ADGRV1: variants seen among roughly 807,000 people sequenced by gnomAD.
ADGRV1 encodes G-protein coupled receptor 98.
Under a neutral mutation model 596.2 loss-of-function variants are expected in ADGRV1, and 359 were observed. The observed-to-expected ratio is 0.60, with a 90% CI of 0.55 to 0.66. ADGRV1 has a LOEUF of 0.66. Among genes scored for constraint, ADGRV1 ranks in the 30% least tolerant of loss-of-function variants. The pLI is 0.00. For synonymous variants in ADGRV1, 2,681 were observed against 2,679.2 expected, an observed-to-expected ratio of 1.00 and a Z score of -0.02; for missense variants, 7,274 against 7,575.6, an observed-to-expected ratio of 0.96 and a Z score of 1.48.
intron 85 of ADGRV1, among the ~76,000 whole-genome samples, chr5:91,028,029 TTTTC>T (rs146284585): frequency 0.22 from 33,433 of 149,198 alleles, 3,851 homozygotes; most frequent in Non-Finnish European, 0.28. Flanking sequence ...CCAGCTTTTT[TTTTC>T]TTTCTTTTTT....
In ADGRV1 at chr5:90,743,767, G is replaced by A. The variant is rs137883240; in HGVS notation, c.10550-1279G>A. Among the ~76,000 whole-genome samples, 1,056 of 151,408 alleles carry A rather than the reference G, an allele frequency of 7.0e-3. 7 individuals are homozygous for A. The highest frequency in any genetic ancestry group is 0.024 in the African/African-American group (976 of 41,254). On this transcript the variant is annotated intron_variant, in intron 50 of 89. Coordinates refer to ENST00000405460, the MANE Select transcript of ADGRV1 (RefSeq NM_032119.4). ...ATTACAGGCATGAGCCACCGTGCCCGGCCTCATTTGATATATTTATGTTCC... is the reference window on the plus strand; with the variant it reads ...ATTACAGGCATGAGCCACCGTGCCCAGCCTCATTTGATATATTTATGTTCC...
Position 90,755,115 on chromosome 5 carries a change from T to C in ADGRV1, c.11510T>C (p.Val3837Ala). The change falls in exon 55 of 90, where the codon GTA (valine) becomes GCA (alanine). Residue 3837 changes from valine to alanine, a missense_variant. By Grantham distance (64) the Val-to-Ala change is moderately conservative. Around this residue, in one of 5 missense-constraint regions of ADGRV1, gnomAD observed 3,643 missense variants for 3,809.2 expected, o/e 0.96. Coordinates refer to ENST00000405460, the MANE Select transcript of ADGRV1 (RefSeq NM_032119.4). ...DNQATENEDY[V>A]LQETIIIMKE... ...CAAGCTACTGAGAATGAAGATTATG[T>C]ATTGCAAGAAACAATAATAATAATG... is the stretch of plus-strand genomic sequence containing the variant. The C allele has an allele frequency of 6.2e-7, 1 of 1,611,444 alleles. No individual in the cohort carries two copies. Among genetic ancestry groups the C allele is most frequent in the East Asian group, 2.2e-5 (1 of 44,842 alleles).
chr5:90,778,314 T>G, intron 62 of ADGRV1, 113 bp from the exon 63 acceptor site: 2 of 932,406 alleles, frequency 2.1e-6, no homozygotes, highest in Admixed American at 4.4e-5. Context: ...GGATTAAGAG[T>G]GGGAATGAGG....
chr5:90,726,566 T>C (rs960456878), intron 48 of ADGRV1, among the ~76,000 whole-genome samples: 6 of 152,178 alleles, frequency 3.9e-5, no homozygotes, highest in African/African-American at 1.4e-4. Flanking sequence ...CACCAGCATG[T>C]GACAGTCACC....
intron 86 of ADGRV1, among the ~76,000 whole-genome samples, chr5:91,096,537 A>C (rs1047251619): frequency 6.6e-6 from 1 of 152,096 alleles, no homozygotes; most frequent in Non-Finnish European, 1.5e-5. Flanking sequence ...AATTTCTTTC[A>C]CTAAAACCTT....
chr5:90,777,417 G>C (rs1453555553), intron 61 of ADGRV1, among the ~76,000 whole-genome samples: 2 of 152,124 alleles, frequency 1.3e-5, no homozygotes, highest in Non-Finnish European at 2.9e-5. Context: ...AGGCAAGTTT[G>C]TTTCTGGTAA....
chr5:90,741,498 T>C (rs1351052408), intron 50 of ADGRV1, among the ~76,000 whole-genome samples: 2 of 152,242 alleles, frequency 1.3e-5, no homozygotes, highest in Non-Finnish European at 2.9e-5. Flanking sequence ...ATTCCTCAAG[T>C]ATTCAAGTGG....
At chr5:90,667,689 GC>G (rs1489310367) in intron 21 of ADGRV1, among the ~76,000 whole-genome samples, 1 of 152,002 alleles carries the variant, frequency 6.6e-6, no homozygotes. Context: ...GAGGCGCTCT[GC>G]TTTTTAGAGT....
intron 83 of ADGRV1, among the ~76,000 whole-genome samples, chr5:90,947,044 T>C (rs1244587914): frequency 2.0e-5 from 3 of 152,332 alleles, no homozygotes; most frequent in Admixed American, 2.0e-4. Context: ...CACCACACTG[T>C]CTTCCACAAT....
At chr5:91,159,859 A>T (rs1796799620) in intron 89 of ADGRV1, among the ~76,000 whole-genome samples, 1 of 152,230 alleles carries the variant, frequency 6.6e-6, no homozygotes, top group Non-Finnish European at 1.5e-5. Flanking sequence ...TGAGGGTAGG[A>T]TGGAAAGGAA....
intron 83 of ADGRV1, among the ~76,000 whole-genome samples, chr5:90,895,290 G>C (rs1771203766): frequency 6.6e-6 from 1 of 152,148 alleles, no homozygotes; most frequent in South Asian, 2.1e-4. Context: ...ACAGAATGAA[G>C]GGGTACATAA....
intron 82 of ADGRV1, among the ~76,000 whole-genome samples, chr5:90,861,575 C>T (rs1767581897): frequency 6.6e-6 from 1 of 152,236 alleles, no homozygotes; most frequent in East Asian, 1.9e-4. Flanking sequence ...TCCCAAAGTG[C>T]TGGGATTACA....
At chr5:90,875,026 A>G (rs1313922791) in intron 83 of ADGRV1, among the ~76,000 whole-genome samples, 1 of 152,156 alleles carries the variant, frequency 6.6e-6, no homozygotes, top group Non-Finnish European at 1.5e-5. Context: ...AAAGCAAAAC[A>G]AAACCAGAAC....
chr5:90,876,059 A>G (rs1769189527), intron 83 of ADGRV1, among the ~76,000 whole-genome samples: 1 of 152,168 alleles, frequency 6.6e-6, no homozygotes, highest in African/African-American at 2.4e-5. Flanking sequence ...TGTCATGTTT[A>G]GGTCATGTTT....
At chr5:90,685,687 G>A in intron 28 of ADGRV1, 93 bp from the exon 29 acceptor site, 1 of 639,412 alleles carries the variant, frequency 1.6e-6, no homozygotes, top group Non-Finnish European at 2.6e-6. Flanking sequence ...CTATTTGGCT[G>A]ATGGAATCTT....
chr5:91,046,138 A>T (rs569173358), intron 85 of ADGRV1, among the ~76,000 whole-genome samples: 1 of 152,216 alleles, frequency 6.6e-6, no homozygotes, highest in East Asian at 1.9e-4. Context: ...AAATATCATC[A>T]TCATTCTTCA....
At chr5:90,632,619 T>C (rs1311975509) in intron 9 of ADGRV1, among the ~76,000 whole-genome samples, 1 of 152,228 alleles carries the variant, frequency 6.6e-6, no homozygotes, top group Non-Finnish European at 1.5e-5. Context: ...AGATATTATC[T>C]TAGCTACTCT....
chr5:90,704,638 A>AC, intron 36 of ADGRV1, 150 bp downstream of exon 36: 2 of 539,716 alleles, frequency 3.7e-6, no homozygotes, highest in Non-Finnish European at 6.6e-6. Context: ...ATCAAAAAAA[A>AC]TTAGCACCAT....
chr5:90,980,661 G>C (rs1780004482), intron 84 of ADGRV1, among the ~76,000 whole-genome samples: 1 of 152,192 alleles, frequency 6.6e-6, no homozygotes, highest in African/African-American at 2.4e-5. Context: ...ACAGTGAACA[G>C]TAAGCTATGT....
Sources: allele counts gnomAD v4.1 joint callset (sites outside exome capture counted in the v4.1 genomes callset), GRCh38; gene constraint gnomAD v4.1.1; regional missense constraint gnomAD v4.1.1; transcripts MANE v1.5; gene names NCBI Gene and HGNC (gene_info 2026-07-23, HGNC 2026-07-21).